The following TMEM71 variants were observed in gnomAD, a reference collection of about 807,000 sequenced individuals.
TMEM71 encodes transmembrane protein 71.
In TMEM71, 44 loss-of-function variants were observed where a neutral mutation model predicts 38.0. The observed-to-expected ratio is 1.16, with a 90% confidence interval of 0.91 to 1.49. The LOEUF (loss-of-function observed/expected upper bound fraction) is 1.49. Among genes scored for constraint, TMEM71 ranks in the 40% most tolerant of loss-of-function variants. The pLI, the probability that TMEM71 is intolerant of heterozygous loss-of-function variation, is 0.00. For synonymous variants in TMEM71, 133 were observed against 122.5 expected, an observed-to-expected ratio of 1.09 and a Z score of -0.56; for missense variants, 367 against 348.6, an observed-to-expected ratio of 1.05 and a Z score of -0.42.
intron 9 of TMEM71, among the ~76,000 whole-genome samples, chr8:132,711,654 G>C (rs1035013377): frequency 6.6e-6 from 1 of 152,168 alleles, no homozygotes; most frequent in African/African-American, 2.4e-5. Context: ...TCATTTGCAA[G>C]GGACACTCAG....
At chr8:132,711,255 C>T (rs1051249500) in intron 9 of TMEM71, among the ~76,000 whole-genome samples, 1 of 152,170 alleles carries the variant, frequency 6.6e-6, no homozygotes, top group Non-Finnish European at 1.5e-5. Flanking sequence ...ACTTAGTTAA[C>T]TAATATTTCC....
chr8:132,761,928 A>G (rs1829304356), upstream of TMEM71, among the ~76,000 whole-genome samples: 1 of 152,130 alleles, frequency 6.6e-6, no homozygotes, highest in Non-Finnish European at 1.5e-5. Context: ...TTGGAAGTGG[A>G]TCCTTCTCCA....
downstream of TMEM71, among the ~76,000 whole-genome samples, chr8:132,709,657 G>A (rs549366880): frequency 5.3e-5 from 8 of 152,080 alleles, no homozygotes; most frequent in African/African-American, 1.9e-4. Flanking sequence ...TGGAGGAGGG[G>A]GCCACAAGCC....
intron 5 of TMEM71, among the ~76,000 whole-genome samples, chr8:132,735,488 T>TG (rs1009316766): frequency 1.3e-5 from 2 of 152,152 alleles, no homozygotes; most frequent in African/African-American, 4.8e-5. Context: ...GCAAGAAGTC[T>TG]GGGGAAGATG....
chr8:132,753,419 GCATAAATTGGGAC>G (rs1247998080), intron 3 of TMEM71, among the ~76,000 whole-genome samples: 1 of 152,026 alleles, frequency 6.6e-6, no homozygotes, highest in Non-Finnish European at 1.5e-5. Flanking sequence ...CCACTTAATT[GCATAAATTGGGAC>G]CATATGCTTC....
intron 3 of TMEM71, among the ~76,000 whole-genome samples, chr8:132,753,284 AT>A (rs949967771): frequency 1.3e-5 from 2 of 152,176 alleles, no homozygotes; most frequent in African/African-American, 4.8e-5. Context: ...GAAAATATAT[AT>A]TGTCTGAATA....
downstream of TMEM71, among the ~76,000 whole-genome samples, chr8:132,707,786 A>G (rs1188331871): frequency 6.6e-6 from 1 of 152,174 alleles, no homozygotes; most frequent in African/African-American, 2.4e-5. Flanking sequence ...GCCTTATAAT[A>G]ATTTTTACAC....
rs547997830 is a variant in TMEM71 at position 132,751,698 on chromosome 8, A to G, written c.314+87T>C. On this transcript the variant is annotated intron_variant, in intron 4 of 9. Coordinates refer to ENST00000677595, the MANE Select transcript of TMEM71 (RefSeq NM_001382403.1). Reference sequence around the variant, plus strand: ...CTGGAGCAATAATGGGCTCCTTATAAAAGATAGTTGAGTGAATAAATGAAT... The same window carrying G: ...CTGGAGCAATAATGGGCTCCTTATAGAAGATAGTTGAGTGAATAAATGAAT... 2.6e-5 allele frequency: 35 copies of G among 1,328,674 alleles called. No individual in the cohort carries two copies. The African/African-American group carries it at 4.6e-4, about 18-fold the overall frequency. 82.3% of individuals were successfully genotyped at this position (1,328,674 alleles called of 1,614,324 possible). A position where few individuals can be genotyped will look rare whatever the true frequency, so the allele number is the denominator to read the frequency against.
intron 5 of TMEM71, among the ~76,000 whole-genome samples, chr8:132,745,657 A>G (rs898641417): frequency 6.6e-6 from 1 of 152,140 alleles, no homozygotes; most frequent in Non-Finnish European, 1.5e-5. Context: ...TCATCCAGCA[A>G]TCCCATTACT....
chr8:132,714,941 G>A (rs1164871927), intron 7 of TMEM71, among the ~76,000 whole-genome samples: 3 of 151,934 alleles, frequency 2.0e-5, no homozygotes, highest in Non-Finnish European at 1.5e-5. Flanking sequence ...ATATACAAAT[G>A]TCAATAAGTA....
At chr8:132,766,654 A>C in the TMEM71 span, among the ~76,000 whole-genome samples, 1 of 151,998 alleles carries the variant, frequency 6.6e-6, no homozygotes, top group Admixed American at 6.6e-5. Context: ...AGCCAGGTGT[A>C]GTGGCTTAAG....
the TMEM71 span, among the ~76,000 whole-genome samples, chr8:132,772,226 G>T: frequency 1.3e-5 from 2 of 152,072 alleles, no homozygotes; most frequent in East Asian, 1.9e-4. Flanking sequence ...AGACATTATG[G>T]TTCCATATTC....
chr8:132,713,563 C>T (rs1400857223), intron 9 of TMEM71, among the ~76,000 whole-genome samples: 1 of 152,082 alleles, frequency 6.6e-6, no homozygotes. Context: ...ATATGCTGAA[C>T]CATGGCAGTT....
intron 7 of TMEM71, among the ~76,000 whole-genome samples, chr8:132,721,242 G>A (rs1826825189): frequency 6.6e-6 from 1 of 152,278 alleles, no homozygotes; most frequent in Non-Finnish European, 1.5e-5. Flanking sequence ...AATAGGGAAA[G>A]GAAAACAAGG....
At chr8:132,726,639 A>G (rs1827157676) in intron 6 of TMEM71, among the ~76,000 whole-genome samples, 1 of 152,332 alleles carries the variant, frequency 6.6e-6, no homozygotes, top group East Asian at 1.9e-4. Flanking sequence ...CAGCAAGCCA[A>G]TGACAGAGTG....
At chr8:132,775,560 A>G in the TMEM71 span, 1 of 361,742 alleles carries the variant, frequency 2.8e-6, no homozygotes, top group East Asian at 4.0e-5. Context: ...GCGGAGGCAG[A>G]GGCAGAGGCC....
the TMEM71 span, among the ~76,000 whole-genome samples, chr8:132,767,678 T>C: frequency 6.6e-6 from 1 of 152,124 alleles, no homozygotes. Context: ...TTTCACACCA[T>C]GTTGGCCAGG....
chr8:132,718,868 T>G (rs1445132829), intron 7 of TMEM71, among the ~76,000 whole-genome samples: 1 of 152,222 alleles, frequency 6.6e-6, no homozygotes, highest in East Asian at 1.9e-4. Flanking sequence ...AATAGTATTT[T>G]TATTGTTTTT....
intron 4 of TMEM71, among the ~76,000 whole-genome samples, chr8:132,750,034 GAAAGA>G (rs1554619437): frequency 6.7e-6 from 1 of 149,554 alleles, no homozygotes; most frequent in African/African-American, 2.5e-5. Flanking sequence ...AAGAAAGAAA[GAAAGA>G]AAAGAAAAGA....
Sources: allele counts gnomAD v4.1 joint callset (sites outside exome capture counted in the v4.1 genomes callset), GRCh38; gene constraint gnomAD v4.1.1; transcripts MANE v1.5; gene names NCBI Gene and HGNC (gene_info 2026-07-23, HGNC 2026-07-21).